GNG7: variants seen among roughly 807,000 people sequenced by gnomAD.
GNG7 encodes the protein guanine nucleotide-binding protein G(I)/G(S)/G(O) subunit gamma-7.
GNG7 carries 1 observed loss-of-function variant against 4.0 expected under a neutral mutation model. That is an observed-to-expected ratio of 0.25 (90% CI 0.09 to 1.18). The LOEUF (loss-of-function observed/expected upper bound fraction) is 1.18, where lower values mean the gene tolerates loss of function less well. GNG7 is among the 50% of genes most tolerant of loss of function. The pLI, the probability that GNG7 is intolerant of heterozygous loss-of-function variation, is 0.50. For synonymous variants in GNG7, 34 were observed against 36.9 expected (o/e 0.92, Z 0.29); for missense variants, 86 against 91.9 (o/e 0.94, Z 0.26).
intron 4 of GNG7, among the ~76,000 whole-genome samples, chr19:2,519,590 A>T (rs950360727): frequency 3.2e-5 from 4 of 125,224 alleles, no homozygotes; most frequent in Non-Finnish European, 6.5e-5. Context: ...TGTGCCTCAC[A>T]TGCAAAATTT....
chr19:2,576,862 G>C (rs1217417361), intron 2 of GNG7, among the ~76,000 whole-genome samples: 1 of 151,188 alleles, frequency 6.6e-6, no homozygotes, highest in African/African-American at 2.4e-5. Context: ...TTTAAAATTT[G>C]TTCTAAAGAC....
At chr19:2,693,374 C>T (rs1258548423) in intron 1 of GNG7, among the ~76,000 whole-genome samples, 4 of 148,648 alleles carry the variant, frequency 2.7e-5, no homozygotes, top group Non-Finnish European at 4.4e-5. Flanking sequence ...CAAGATCACA[C>T]CACTGTACTC....
chr19:2,524,800 G>T (rs540150110), intron 3 of GNG7, among the ~76,000 whole-genome samples: 1 of 152,324 alleles, frequency 6.6e-6, no homozygotes, highest in African/African-American at 2.4e-5. Context: ...GGGCATGCAT[G>T]TCACTATGGG....
intron 3 of GNG7, among the ~76,000 whole-genome samples, chr19:2,534,655 A>G (rs1488790801): frequency 6.6e-6 from 1 of 152,250 alleles, no homozygotes; most frequent in Non-Finnish European, 1.5e-5. Flanking sequence ...TGGCTTGCCC[A>G]GAAGATATTT....
chr19:2,699,775 C>T (rs1052673950), intron 1 of GNG7, among the ~76,000 whole-genome samples: 3 of 152,180 alleles, frequency 2.0e-5, no homozygotes, highest in Non-Finnish European at 4.4e-5. Context: ...GAAGGCCCCA[C>T]CCCAGAGGAC....
intron 3 of GNG7, among the ~76,000 whole-genome samples, chr19:2,551,566 T>A (rs368957157): frequency 1.4e-5 from 1 of 69,654 alleles, no homozygotes; most frequent in African/African-American, 6.6e-5. Context: ...TATATTTATC[T>A]ATTATCTATA....
chr19:2,606,082 G>A (rs932368894), intron 2 of GNG7, among the ~76,000 whole-genome samples: 4 of 152,076 alleles, frequency 2.6e-5, no homozygotes, highest in Non-Finnish European at 5.9e-5. Context: ...CAAGCAAGCC[G>A]CTTTTAAGAG....
chr19:2,687,401 G>A (rs1417162218), intron 1 of GNG7, among the ~76,000 whole-genome samples: 2 of 151,318 alleles, frequency 1.3e-5, no homozygotes, highest in African/African-American at 2.4e-5. Flanking sequence ...TGGATCACCT[G>A]AGGTCAGGAG....
chr19:2,591,341 C>T (rs1473528710), intron 2 of GNG7, among the ~76,000 whole-genome samples: 1 of 152,020 alleles, frequency 6.6e-6, no homozygotes, highest in African/African-American at 2.4e-5. Flanking sequence ...TGTTTCCTCT[C>T]TTGTAAGATG....
chr19:2,578,269 C>T (rs1980402187), intron 2 of GNG7, among the ~76,000 whole-genome samples: 1 of 152,052 alleles, frequency 6.6e-6, no homozygotes, highest in South Asian at 2.1e-4. Context: ...TGGGACAAAT[C>T]CCCCGTTAGA....
At chr19:2,602,901 C>CT (rs377361649) in intron 2 of GNG7, among the ~76,000 whole-genome samples, 25 of 148,844 alleles carry the variant, frequency 1.7e-4, no homozygotes, top group Non-Finnish European at 2.5e-4. Flanking sequence ...TTCTCTTTTT[C>CT]TTTCTTTCTT....
At chr19:2,657,361 A>AAAAAAAAAAT (rs1555701153) in intron 1 of GNG7, among the ~76,000 whole-genome samples, 1 of 16,340 alleles carries the variant, frequency 6.1e-5, no homozygotes, top group Non-Finnish European at 1.0e-4. Context: ...AAAAAAAAAA[A>AAAAAAAAAAT]ATATATATAT....
chr19:2,543,671 C>T (rs1979034873), intron 3 of GNG7, among the ~76,000 whole-genome samples: 1 of 152,170 alleles, frequency 6.6e-6, no homozygotes, highest in African/African-American at 2.4e-5. Flanking sequence ...CGTTTGCTCT[C>T]CTGACGGCAC....
At chr19:2,568,662 C>T (rs201040735) in intron 2 of GNG7, among the ~76,000 whole-genome samples, 2 of 150,762 alleles carry the variant, frequency 1.3e-5, no homozygotes, top group African/African-American at 4.9e-5. Context: ...CACATATACA[C>T]ATACACATAC....
At chr19:2,694,991 C>T (rs562524153) in intron 1 of GNG7, among the ~76,000 whole-genome samples, 3 of 152,002 alleles carry the variant, frequency 2.0e-5, no homozygotes, top group African/African-American at 7.3e-5. Flanking sequence ...CTAGGCAATA[C>T]AGGGGGACCT....
At chr19:2,538,640 A>G (rs1328519284) in intron 3 of GNG7, 1 of 440,206 alleles carries the variant, frequency 2.3e-6, no homozygotes, top group South Asian at 1.7e-5. Context: ...TTAAAAAAAC[A>G]CAATAGAAAG....
intron 2 of GNG7, among the ~76,000 whole-genome samples, chr19:2,563,520 C>T (rs1225135713): frequency 6.6e-6 from 1 of 152,128 alleles, no homozygotes; most frequent in East Asian, 1.9e-4. Context: ...ATTTCTGTCG[C>T]CCAGGCTGGA....
At chr19:2,550,938 C>T (rs550906377) in intron 3 of GNG7, among the ~76,000 whole-genome samples, 1 of 152,286 alleles carries the variant, frequency 6.6e-6, no homozygotes, top group African/African-American at 2.4e-5. Context: ...GGAACAGGGC[C>T]AGGGGACTTA....
At chr19:2,535,085 GTCATTCAGCCCACCACA>G (rs1454786371) in intron 3 of GNG7, among the ~76,000 whole-genome samples, 1 of 152,158 alleles carries the variant, frequency 6.6e-6, no homozygotes, top group Non-Finnish European at 1.5e-5. Flanking sequence ...CTTGGAGCCA[GTCATTCAGCCCACCACA>G]TCATTCTCTC....
Sources: gnomAD v4.1 joint callset for allele counts (sites outside exome capture counted in the v4.1 genomes callset) on GRCh38, gnomAD v4.1.1 for gene constraint, MANE v1.5 for transcripts, NCBI Gene and HGNC (gene_info 2026-07-23, HGNC 2026-07-21) for gene names.